Variants in SHTN1 observed in about 807,000 individuals in gnomAD.
SHTN1 encodes shootin-1.
SHTN1 carries 42 observed loss-of-function variants against 83.1 expected under a neutral mutation model. That is an observed-to-expected ratio of 0.51 (90% confidence interval 0.39 to 0.65). SHTN1 has a LOEUF of 0.65. SHTN1 is among the 30% of genes least tolerant of loss of function. The pLI, the probability that SHTN1 is intolerant of heterozygous loss-of-function variation, is 0.00. For missense variants in SHTN1, 622 were observed against 737.8 expected, an observed-to-expected ratio of 0.84 and a Z score of 1.82; for synonymous variants, 224 against 247.7, an observed-to-expected ratio of 0.90 and a Z score of 0.90.
At chr10:116,932,311 C>G (rs987163544) in intron 9 of SHTN1, among the ~76,000 whole-genome samples, 24 of 152,166 alleles carry the variant, frequency 1.6e-4, no homozygotes, top group Non-Finnish European at 2.6e-4. Flanking sequence ...ACCGCCTGAG[C>G]TCCACCTCGT....
intron 9 of SHTN1, among the ~76,000 whole-genome samples, chr10:116,935,845 C>G (rs1370911711): frequency 1.3e-5 from 2 of 152,018 alleles, no homozygotes; most frequent in Admixed American, 1.3e-4. Flanking sequence ...AATTTTGGAA[C>G]TTGTTATTGG....
chr10:116,900,818 A>C, intron 16 of SHTN1: 1 of 985,438 alleles, frequency 1.0e-6, no homozygotes, highest in Non-Finnish European at 1.2e-6. Context: ...AAATTAGATA[A>C]AACTGTAAAT....
intron 1 of SHTN1, among the ~76,000 whole-genome samples, chr10:117,065,523 G>C (rs574757836): frequency 5.3e-5 from 8 of 151,150 alleles, no homozygotes; most frequent in African/African-American, 1.9e-4. Context: ...TTTGAGACCA[G>C]CCTGACCAAC....
At chr10:116,994,415 A>G (rs1028056683) in intron 1 of SHTN1, among the ~76,000 whole-genome samples, 1 of 152,148 alleles carries the variant, frequency 6.6e-6, no homozygotes, top group Admixed American at 6.5e-5. Flanking sequence ...CTGATATAAA[A>G]CTAAAATTTG....
intron 1 of SHTN1, among the ~76,000 whole-genome samples, chr10:117,049,324 T>C (rs1852709475): frequency 6.6e-6 from 1 of 150,546 alleles, no homozygotes; most frequent in Admixed American, 6.6e-5. Context: ...CTTTTGAAAA[T>C]AGGATAGAAA....
chr10:116,951,957 G>A lies in SHTN1; in HGVS notation c.486C>T (p.Ala162=), dbSNP rs115157777. 3.7e-4 allele frequency: 596 copies of A among 1,599,200 alleles called. 3 individuals carry two copies. The African/African-American group carries it at 6.6e-3, about 18-fold the overall frequency. The change falls in exon 6 of 17, where the codon GCC becomes GCT. Residue 162 remains alanine, a synonymous_variant. Coordinates refer to ENST00000355371, the MANE Select transcript of SHTN1 (RefSeq NM_001127211.3). ...VSVQEEKKIL[A]IELENLKSKL... ...TGCTCTTGAGATTTTCCAGCTCAAT[G>A]GCTAAAATCTTCTTTTCCTCCTGAA...
intron 16 of SHTN1, chr10:116,900,605 T>C: frequency 8.5e-6 from 13 of 1,529,774 alleles, no homozygotes; most frequent in East Asian, 2.5e-5. Flanking sequence ...AGAAACTAAC[T>C]TGTCTCAGCC....
At chr10:116,967,099 T>A (rs1045019049) in intron 3 of SHTN1, among the ~76,000 whole-genome samples, 15 of 152,168 alleles carry the variant, frequency 9.9e-5, no homozygotes, top group African/African-American at 3.6e-4. Context: ...CCAAATCAAC[T>A]CTTTATAAAT....
In SHTN1 at chr10:116,983,795, T is replaced by C. The variant is rs1019832914; in HGVS notation, c.59-4487A>G. On this transcript the variant is annotated intron_variant, in intron 1 of 16. Transcript: ENST00000355371. ...AAGTGAGAGCCCCAGGTAATTCCAA[T>C]GTACAGCCAAAGTGGGCTGTAACAT... Among the ~76,000 whole-genome samples, 6 of 152,002 alleles carry C rather than the reference T, an allele frequency of 3.9e-5. No homozygotes were observed. The South Asian group carries it at 6.2e-4, about 16-fold the overall frequency.
chr10:116,966,683 G>A (rs1850408077), intron 3 of SHTN1, among the ~76,000 whole-genome samples: 1 of 152,184 alleles, frequency 6.6e-6, no homozygotes, highest in South Asian at 2.1e-4. Flanking sequence ...GCATAATGCA[G>A]GAGGCAAAGT....
chr10:117,114,260 A>G (rs1173080795), intron 1 of SHTN1, among the ~76,000 whole-genome samples: 1 of 152,194 alleles, frequency 6.6e-6, no homozygotes, highest in Non-Finnish European at 1.5e-5. Flanking sequence ...CGAGATTCAA[A>G]CCCAAATAGA....
At chr10:116,937,062 C>T (rs1589823047) in intron 9 of SHTN1, among the ~76,000 whole-genome samples, 2 of 152,044 alleles carry the variant, frequency 1.3e-5, no homozygotes, top group South Asian at 2.1e-4. Flanking sequence ...TGTCTTTACA[C>T]GTGAGATGGG....
chr10:116,974,387 GCTT>G (rs1473738843), intron 2 of SHTN1, among the ~76,000 whole-genome samples: 3 of 152,084 alleles, frequency 2.0e-5, no homozygotes, highest in East Asian at 1.9e-4. Flanking sequence ...CTTTAAAGTG[GCTT>G]CTTTATTGAT....
intron 1 of SHTN1, among the ~76,000 whole-genome samples, chr10:117,083,791 C>T (rs1432454126): frequency 6.6e-6 from 1 of 152,002 alleles, no homozygotes; most frequent in African/African-American, 2.4e-5. Context: ...TCATTTCATT[C>T]ATTTCATCTT....
intron 13 of SHTN1, among the ~76,000 whole-genome samples, chr10:116,914,449 C>T (rs912238577): frequency 1.3e-5 from 2 of 149,214 alleles, no homozygotes; most frequent in Non-Finnish European, 3.0e-5. Flanking sequence ...TCTAGCCTGG[C>T]GACAGAGTAA....
Position 116,997,522 on chromosome 10 carries a change from T to C in SHTN1, c.58+7500A>G, listed in dbSNP as rs539144441. Reference sequence around the variant, plus strand: ...TTATGACCTTGACAGTTGGGAGAAGTGCTGATCAGGTATTCTGCAGAACGT... The same window carrying C: ...TTATGACCTTGACAGTTGGGAGAAGCGCTGATCAGGTATTCTGCAGAACGT... On this transcript the variant is annotated intron_variant, in intron 1 of 16. Coordinates refer to ENST00000355371, the MANE Select transcript of SHTN1 (RefSeq NM_001127211.3). 2.6e-5 allele frequency among the ~76,000 whole-genome samples: 4 copies of C among 152,284 alleles called. No individual in the cohort carries two copies. The South Asian group carries it at 8.3e-4, about 32-fold the overall frequency.
At chr10:116,892,458 C>T (rs1326040607) in intron 16 of SHTN1, among the ~76,000 whole-genome samples, 1 of 152,182 alleles carries the variant, frequency 6.6e-6, no homozygotes, top group Non-Finnish European at 1.5e-5. Flanking sequence ...GGAAAATCCA[C>T]TCAGATTCCA....
At chr10:117,076,304 G>A (rs1853153043) in intron 1 of SHTN1, among the ~76,000 whole-genome samples, 1 of 152,242 alleles carries the variant, frequency 6.6e-6, no homozygotes, top group East Asian at 1.9e-4. Flanking sequence ...GGGTAGAAAG[G>A]AGTGGATTGA....
At chr10:116,900,622 C>G in intron 16 of SHTN1, 1 of 1,523,842 alleles carries the variant, frequency 6.6e-7, no homozygotes, top group East Asian at 2.5e-5. Context: ...AGCCAAATTG[C>G]TTTTGTGTCT....
Sources: gnomAD v4.1 joint callset for allele counts (sites outside exome capture counted in the v4.1 genomes callset) on GRCh38, gnomAD v4.1.1 for gene constraint, MANE v1.5 for transcripts, NCBI Gene and HGNC (gene_info 2026-07-23, HGNC 2026-07-21) for gene names.